The following DSCAML1 variants were observed in gnomAD, a reference collection of about 807,000 sequenced individuals.
DSCAML1 encodes the protein DS cell adhesion molecule like 1, also known as cell adhesion molecule DSCAML1.
Under a neutral mutation model 200.5 loss-of-function variants are expected in DSCAML1, and 38 were observed. The ratio of observed to expected loss-of-function variants is 0.19; its 90% confidence interval spans 0.15 to 0.25. DSCAML1 has a LOEUF of 0.25. Among genes scored for constraint, DSCAML1 ranks in the 10% least tolerant of loss-of-function variants. The pLI, the probability that DSCAML1 is intolerant of heterozygous loss-of-function variation, is 1.00. For missense variants in DSCAML1, 2,223 were observed against 2,858.8 expected (o/e 0.78, Z 5.07); for synonymous variants, 1,215 against 1,165.0 (o/e 1.04, Z -0.87).
rs186112249 is a variant in DSCAML1, at chr11:117,640,508, G to T, written c.512-107986C>A. Reference sequence around the variant, plus strand: ...ACTGAAAGCCAGCCTCTGGGTTCTGGTCCAGTCATCCACTATCCAGGTGCT... The same window carrying T: ...ACTGAAAGCCAGCCTCTGGGTTCTGTTCCAGTCATCCACTATCCAGGTGCT... On this transcript the variant is annotated intron_variant, in intron 3 of 32. Coordinates refer to ENST00000651296, the MANE Select transcript of DSCAML1 (RefSeq NM_020693.4). Among the ~76,000 whole-genome samples the T allele has an allele frequency of 1.4e-4, 21 of 152,282 alleles. No homozygotes were observed. In the East Asian group the frequency reaches 3.9e-3, roughly 28 times the overall value.
chr11:117,503,757 G>T lies in DSCAML1; in HGVS notation c.2359+88C>A. 7.1e-7 allele frequency: 1 copy of T among 1,418,264 alleles called. No individual in the cohort carries two copies. 87.9% of individuals were successfully genotyped at this position (1,418,264 alleles called of 1,614,324 possible). A position where few individuals can be genotyped will look rare whatever the true frequency, so the allele number is the denominator to read the frequency against. On this transcript the variant is annotated intron_variant, in intron 11 of 32. Coordinates refer to ENST00000651296, the MANE Select transcript of DSCAML1 (RefSeq NM_020693.4). This position sits in a 1 kb window ranked among gnomAD's most constrained non-coding sequence, Gnocchi z 5.2. Reference sequence around the variant, plus strand: ...CCTCCCCTTCATAGATGAAACGACGGAGACTAAGAGAGTAGGCAGGGAGAG... The same window carrying T: ...CCTCCCCTTCATAGATGAAACGACGTAGACTAAGAGAGTAGGCAGGGAGAG...
At chr11:117,519,877 A>G (rs1276128008) in intron 6 of DSCAML1, among the ~76,000 whole-genome samples, 1 of 152,216 alleles carries the variant, frequency 6.6e-6, no homozygotes, top group Non-Finnish European at 1.5e-5. Flanking sequence ...GGTCGGGGTG[A>G]GGAATGAGGG....
chr11:117,761,699 T>C (rs1007311555), intron 3 of DSCAML1, among the ~76,000 whole-genome samples: 1 of 152,188 alleles, frequency 6.6e-6, no homozygotes, highest in Non-Finnish European at 1.5e-5. Flanking sequence ...AGTGAGATCC[T>C]GTCTCTACAA....
At chr11:117,482,217 A>C (rs1304373334) in intron 11 of DSCAML1, 55 bp from the exon 12 acceptor site, 25 of 1,597,446 alleles carry the variant, frequency 1.6e-5, no homozygotes. Flanking sequence ...AGCCTGGAGG[A>C]GGCACGCGTG....
chr11:117,583,625 C>T (rs116025315), intron 3 of DSCAML1, among the ~76,000 whole-genome samples: 1 of 152,202 alleles, frequency 6.6e-6, no homozygotes, highest in Admixed American at 6.5e-5. Flanking sequence ...CAGGTCTGCC[C>T]TCCCCCCATC....
chr11:117,561,266 G>A (rs1016568128), intron 3 of DSCAML1, among the ~76,000 whole-genome samples: 2 of 152,232 alleles, frequency 1.3e-5, no homozygotes, highest in Admixed American at 6.5e-5. Context: ...AGGGCAGTGA[G>A]CACTGGACAA....
At chr11:117,636,532 C>G (rs1000633196) in intron 3 of DSCAML1, among the ~76,000 whole-genome samples, 7 of 152,148 alleles carry the variant, frequency 4.6e-5, no homozygotes, top group Non-Finnish European at 8.8e-5. Flanking sequence ...GAATAGGAGG[C>G]CCATGCCCCA....
chr11:117,680,111 G>A (rs745488647), intron 3 of DSCAML1, among the ~76,000 whole-genome samples: 2 of 152,140 alleles, frequency 1.3e-5, no homozygotes, highest in Non-Finnish European at 2.9e-5. Context: ...GAGACAGCCC[G>A]ACCATGAGAT....
At chr11:117,552,201 A>G (rs2050480487) in intron 3 of DSCAML1, among the ~76,000 whole-genome samples, 1 of 152,040 alleles carries the variant, frequency 6.6e-6, no homozygotes, top group Non-Finnish European at 1.5e-5. Flanking sequence ...GCTGTGGGGA[A>G]TGTCAGTCAG....
rs2049449321 is a variant in DSCAML1, at chr11:117,504,203, C to T, written c.2183-182G>A. Among the ~76,000 whole-genome samples the T allele has an allele frequency of 6.6e-6, 1 of 152,222 alleles. No homozygotes were observed. The highest frequency in any genetic ancestry group is 2.1e-4 in the South Asian group (1 of 4,834). ...TGGGCAACAGGAAAGACCCCCCCAC[C>T]AGAGGACTGGCCTTGCCCCAGCTCT... On this transcript the variant is annotated intron_variant, in intron 10 of 32. Coordinates refer to ENST00000651296, the MANE Select transcript of DSCAML1 (RefSeq NM_020693.4). The surrounding 1 kb of genome is among the most constrained non-coding windows in gnomAD (Gnocchi z 5.0).
intron 3 of DSCAML1, among the ~76,000 whole-genome samples, chr11:117,633,787 C>T (rs892044395): frequency 6.6e-6 from 1 of 152,266 alleles, no homozygotes; most frequent in South Asian, 2.1e-4. Context: ...TTTTGGAGGG[C>T]GAGGCAGAGG....
intron 3 of DSCAML1, among the ~76,000 whole-genome samples, chr11:117,623,216 C>CTTTTTTTTTTTTTTT (rs56343852): frequency 1.7e-5 from 2 of 121,110 alleles, no homozygotes; most frequent in African/African-American, 6.2e-5. Context: ...CTTTTCTTTT[C>CTTTTTTTTTTTTTTT]TTTTTTTTTT....
rs755827831 is a variant in DSCAML1, at chr11:117,524,842, G to C, written c.900C>G (p.Phe300Leu). The C allele has an allele frequency of 6.3e-7, 1 of 1,594,862 alleles. No individual in the cohort carries two copies. Among genetic ancestry groups the C allele is most frequent in the Non-Finnish European group, 8.5e-7 (1 of 1,170,084 alleles). Residue 300 changes from phenylalanine (F) to leucine (L), a missense_variant, in exon 5 of 33, where the codon TTC becomes TTG. Coordinates refer to ENST00000651296, the MANE Select transcript of DSCAML1 (RefSeq NM_020693.4). ...GGATGCCTGTGGCCTCTGCCGAACC[G>C]AAGGTGTTGGTGACCTCACAAATGT... ...GTYICEVTNT[F>L]GSAEATGILM... is the part of the protein sequence containing the mutation.
At chr11:117,450,160 C>G (rs2048258015) in intron 20 of DSCAML1, among the ~76,000 whole-genome samples, 1 of 152,234 alleles carries the variant, frequency 6.6e-6, no homozygotes, top group Non-Finnish European at 1.5e-5. Context: ...ACAGCACCTC[C>G]AAGCCCAGAC....
intron 4 of DSCAML1, among the ~76,000 whole-genome samples, chr11:117,528,352 G>T (rs2050016729): frequency 6.6e-6 from 1 of 152,216 alleles, no homozygotes; most frequent in Non-Finnish European, 1.5e-5. Context: ...CGAGGCTCAG[G>T]CGTGAAATTA....
chr11:117,492,300 G>T (rs1289726784), intron 11 of DSCAML1, among the ~76,000 whole-genome samples: 2 of 152,308 alleles, frequency 1.3e-5, no homozygotes, highest in East Asian at 1.9e-4. Flanking sequence ...TTGTCAGAAA[G>T]TCCTCCTGAA....
chr11:117,778,500 C>A (rs1390816851), intron 2 of DSCAML1, among the ~76,000 whole-genome samples: 1 of 152,188 alleles, frequency 6.6e-6, no homozygotes, highest in Non-Finnish European at 1.5e-5. Context: ...CCTTCTGGAG[C>A]CCCAGTTTCT....
At chr11:117,690,630 A>T (rs1836308219) in intron 3 of DSCAML1, among the ~76,000 whole-genome samples, 2 of 152,260 alleles carry the variant, frequency 1.3e-5, no homozygotes, top group Non-Finnish European at 1.5e-5. Context: ...CAGCCAGTTC[A>T]TGACAGAGCT....
intron 11 of DSCAML1, among the ~76,000 whole-genome samples, chr11:117,501,417 C>G (rs540429215): frequency 6.6e-6 from 1 of 152,292 alleles, no homozygotes; most frequent in East Asian, 1.9e-4. Flanking sequence ...CAGATTCACG[C>G]AGGCTGCTAC....
Sources: gnomAD v4.1 joint callset for allele counts (sites outside exome capture counted in the v4.1 genomes callset) on GRCh38, gnomAD v4.1.1 for gene constraint, Gnocchi (gnomAD v3.1) non-coding constraint, MANE v1.5 for transcripts, NCBI Gene and HGNC (gene_info 2026-07-23, HGNC 2026-07-21) for gene names.